Variants in ZMYM3 observed in about 807,000 individuals in gnomAD.
ZMYM3 encodes the protein zinc finger MYM-type containing 3.
Under a neutral mutation model 94.2 loss-of-function variants are expected in ZMYM3, and 6 were observed. That is an observed-to-expected ratio of 0.06 (90% confidence interval 0.03 to 0.13). The LOEUF is 0.13. ZMYM3 is among the 10% of genes least tolerant of loss of function. The probability of loss-of-function intolerance (pLI) is 1.00; values close to 1 mark genes in which losing one functional copy is unlikely to be tolerated. For synonymous variants in ZMYM3, 420 were observed against 426.5 expected (o/e 0.98, Z 0.19); for missense variants, 664 against 1,132.6 (o/e 0.59, Z 5.94).
intron 18 of ZMYM3, 152 bp from the exon 19 acceptor site, chrX:71,245,045 C>T (rs764730210): frequency 1.4e-4 from 66 of 481,964 alleles, no homozygotes; most frequent in Non-Finnish European, 1.7e-4. Context: ...GGCACAGAAA[C>T]GCAAAACACA....
At chrX:71,245,127 TAAAAA>T (rs5902685) in intron 18 of ZMYM3, among the ~76,000 whole-genome samples, 10 of 42,627 alleles carry the variant, frequency 2.3e-4, no homozygotes, top group Non-Finnish European at 4.0e-4. Context: ...GCTTAAAAAT[TAAAAA>T]AAAAAAAAAA....
At chrX:71,242,681 G>A (rs2029998228) in intron 22 of ZMYM3, among the ~76,000 whole-genome samples, 1 of 112,020 alleles carries the variant, frequency 8.9e-6, no homozygotes, top group Admixed American at 9.5e-5. Flanking sequence ...TGTAAACCTT[G>A]AGGAGTCCCA....
chrX:71,242,853 G>T, intron 22 of ZMYM3, 117 bp downstream of exon 22: 1 of 661,552 alleles, frequency 1.5e-6, no homozygotes, highest in Non-Finnish European at 2.3e-6. Context: ...CCAGCTACAC[G>T]CTCCTGCCCT....
chrX:71,244,248 C>T, intron 20 of ZMYM3, 54 bp downstream of exon 20: 2 of 1,098,732 alleles, frequency 1.8e-6, no homozygotes, highest in South Asian at 2.0e-5. Flanking sequence ...TCTCCCCTTT[C>T]CCCTCCTCCT....
At position 71,252,594 on chromosome X, in the gene ZMYM3, A is replaced by G. The variant is rs767710483; in HGVS notation, c.662T>C (p.Leu221Ser). The G allele has an allele frequency of 2.6e-6, 3 of 1,136,766 alleles. No homozygotes were observed. The highest frequency in any genetic ancestry group is 3.5e-6 in the Non-Finnish European group (3 of 860,235). The allele number at this position is 1,136,766 out of a possible 1,213,427, so 93.7% of individuals were successfully genotyped here. ...GGSSPPAHPS[L>S]PGDGLTAKAS... ...CAGATAATTAGGCAACCTACCTGGCAAGGAAGGATGTGCAGGGGGGCTAGA... is the reference window on the plus strand; with the variant it reads ...CAGATAATTAGGCAACCTACCTGGCGAGGAAGGATGTGCAGGGGGGCTAGA... Residue 221 changes from leucine to serine, a missense_variant, in exon 2 of 25, where the codon TTG (leucine) becomes TCG (serine). Around this residue, in one of 9 missense-constraint regions of ZMYM3, gnomAD observed 196 missense variants for 190.8 expected, o/e 1.03. Coordinates refer to ENST00000314425, the MANE Select transcript of ZMYM3 (RefSeq NM_201599.3).
Position 71,247,798 on chromosome X carries a change from T to C in ZMYM3, c.2084A>G (p.Asp695Gly). 8.3e-7 allele frequency: 1 copy of C among 1,211,891 alleles called. No homozygotes were observed. Among genetic ancestry groups the C allele is most frequent in the Non-Finnish European group, 1.1e-6 (1 of 895,496 alleles). The change falls in exon 12 of 25, where the codon GAT becomes GGT. Residue 695 changes from aspartate to glycine, a missense_variant. Physicochemically the swap from Asp to Gly is moderately conservative, Grantham distance 94. Transcript: ENST00000314425. The stretch of plus-strand genomic sequence containing the variant: ...ACTGCAGAAGTCCCAGGTGCTGCCA[T>C]CCAGTTGCTCGGTGACTCCGCGCTG... ...TCQRGVTEQL[D>G]GSTWDFCSED...
chrX:71,248,013 C>A (rs755317155), intron 11 of ZMYM3, 107 bp from the exon 12 acceptor site: 4 of 1,092,704 alleles, frequency 3.7e-6, no homozygotes, highest in South Asian at 4.5e-5. Context: ...TAAGCAGCCC[C>A]TTGTGCCCAA....
Position 71,253,193 on chromosome X carries a change from A to G in ZMYM3, c.63T>C (p.Ala21=), listed in dbSNP as rs1168098595. 1 of 1,194,295 alleles carries G rather than the reference A, an allele frequency of 8.4e-7. No individual in the cohort carries two copies. Among genetic ancestry groups the G allele is most frequent in the African/African-American group, 1.7e-5 (1 of 57,319 alleles). The stretch of plus-strand genomic sequence containing the variant: ...ATTCCATGTCTACTGGTAGGTCTCC[A>G]GCCAGGGGCTTCTCTGGCAGGGTCA... ...DPLTLPEKPL[A]GDLPVDMEFG... Residue 21 remains alanine (A), a synonymous_variant, in exon 2 of 25, where the codon GCT becomes GCC. Coordinates refer to ENST00000314425, the MANE Select transcript of ZMYM3 (RefSeq NM_201599.3).
Position 71,242,360 on chromosome X carries a change from C to T in ZMYM3, c.3612G>A (p.Ser1204=), listed in dbSNP as rs768184244. The change falls in exon 23 of 25, where the codon TCG becomes TCA. Residue 1204 remains serine, a synonymous_variant. Transcript: ENST00000314425. ...TGAGGGTGTTGAGGAGGACAAAGGGCGAGTAGACCCCCAGTTGCTTACACT... is the reference window on the plus strand; with the variant it reads ...TGAGGGTGTTGAGGAGGACAAAGGGTGAGTAGACCCCCAGTTGCTTACACT... The part of the protein sequence containing the change: ...LWECKQLGVY[S]PFVLLNTLMF... 2.5e-5 allele frequency: 30 copies of T among 1,209,154 alleles called. No homozygotes were observed. The South Asian group carries it at 5.0e-4, about 20-fold the overall frequency.
intron 9 of ZMYM3, 42 bp downstream of exon 9, chrX:71,248,644 T>C (rs749601365): frequency 3.7e-5 from 43 of 1,161,955 alleles, no homozygotes; most frequent in Non-Finnish European, 4.9e-5. Flanking sequence ...ACCCTCTTTA[T>C]GTTGCCAAAC....
chrX:71,254,413 C>T, upstream of ZMYM3: 2 of 112,192 alleles, frequency 1.8e-5, no homozygotes, highest in Middle Eastern at 4.6e-3. Context: ...GGCGGCGTCC[C>T]CTTTCCACCC....
intron 21 of ZMYM3, chrX:71,243,512 A>T (rs948593881): frequency 1.7e-4 from 50 of 299,968 alleles, no homozygotes; most frequent in Non-Finnish European, 2.2e-4. Flanking sequence ...AAGAGTATTG[A>T]TATCTCATGT....
In ZMYM3 at chrX:71,245,653, C is replaced by T. The variant is rs767335182; in HGVS notation, c.2860+15G>A. 1.7e-5 allele frequency: 21 copies of T among 1,204,106 alleles called. No individual in the cohort carries two copies. The South Asian group carries it at 3.7e-4, about 21-fold the overall frequency. The stretch of plus-strand genomic sequence containing the variant: ...TAGCACCCTGTCTCCCTCGTCGCCA[C>T]CATCTATGGCATACCACAAAGGTCA... On this transcript the variant is annotated intron_variant, in intron 17 of 24. Transcript: ENST00000314425.
At chrX:71,248,941 G>A in intron 8 of ZMYM3, 78 bp downstream of exon 8, 3 of 1,180,492 alleles carry the variant, frequency 2.5e-6, no homozygotes, top group South Asian at 1.9e-5. Context: ...GGGCAGCAAG[G>A]ATTACTCTGG....
intron 3 of ZMYM3, 89 bp downstream of exon 3, chrX:71,251,469 A>G (rs1313918911): frequency 1.8e-6 from 2 of 1,095,468 alleles, no homozygotes; most frequent in Non-Finnish European, 1.2e-6. Context: ...CACACTCTCT[A>G]CAGAACAACA....
At position 71,245,493 on chromosome X, in the gene ZMYM3, G is replaced by A; in HGVS notation, c.2861-8C>T. 8.3e-7 allele frequency: 1 copy of A among 1,201,835 alleles called. No homozygotes were observed. Among genetic ancestry groups the A allele is most frequent in the Non-Finnish European group, 1.1e-6 (1 of 890,520 alleles). ...TCTGGTTGCTCACAAGATCTGGGAA[G>A]CAGAGAAGTTGGCTCAGTGGTTACA... On this transcript the variant is annotated splice_polypyrimidine_tract_variant and splice_region_variant and intron_variant, in intron 17 of 24. Coordinates refer to ENST00000314425, the MANE Select transcript of ZMYM3 (RefSeq NM_201599.3).
intron 3 of ZMYM3, 60 bp from the exon 4 acceptor site, chrX:71,251,304 T>G: frequency 2.4e-5 from 12 of 497,820 alleles, no homozygotes; most frequent in Non-Finnish European, 3.8e-5. Context: ...CTAACACTAG[T>G]ACAGGGTTTG....
Position 71,247,817 on chromosome X carries a change from C to T in ZMYM3, c.2065G>A (p.Gly689Arg), listed in dbSNP as rs773884892. The T allele has an allele frequency of 8.3e-6, 10 of 1,209,828 alleles. No individual in the cohort carries two copies. Among genetic ancestry groups the T allele is most frequent in the Non-Finnish European group, 1.1e-5 (10 of 895,031 alleles). Residue 689 changes from glycine (G) to arginine (R), a missense_variant, in exon 12 of 25, where the codon GGA (glycine) becomes AGA (arginine). By Grantham distance (125) the Gly-to-Arg change is moderately radical (BLOSUM62 -2). Transcript: ENST00000314425. ...CTGCCATCCAGTTGCTCGGTGACTC[C>T]GCGCTGGCAGGTCTGGGAGCAGTAA... ...CTYCSQTCQR[G>R]VTEQLDGSTW...
At chrX:71,243,120 C>T (rs2030016879) in intron 21 of ZMYM3, 36 bp from the exon 22 acceptor site, 1 of 1,082,593 alleles carries the variant, frequency 9.2e-7, no homozygotes, top group Non-Finnish European at 1.3e-6. Context: ...TAAGGCTAGA[C>T]TGTAGGTCCT....
Sources: allele counts gnomAD v4.1 joint callset (sites outside exome capture counted in the v4.1 genomes callset), GRCh38; gene constraint gnomAD v4.1.1; regional missense constraint gnomAD v4.1.1; transcripts MANE v1.5; gene names NCBI Gene and HGNC (gene_info 2026-07-23, HGNC 2026-07-21).